The following ARHGAP22 variants were observed in gnomAD, a reference collection of about 807,000 sequenced individuals.
ARHGAP22 encodes the protein rho GTPase-activating protein 22.
Under a neutral mutation model 59.1 loss-of-function variants are expected in ARHGAP22, and 48 were observed. The observed-to-expected ratio is 0.81, with a 90% CI of 0.64 to 1.03. The LOEUF is 1.03. Ranked by LOEUF, ARHGAP22 falls within the 50% of genes least tolerant of loss-of-function variation. The pLI is 0.00. For missense variants in ARHGAP22, 1,015 were observed against 958.7 expected (o/e 1.06, Z -0.78); for synonymous variants, 445 against 416.4 (o/e 1.07, Z -0.84).
chr10:48,587,440 T>G (rs901708574), intron 1 of ARHGAP22, among the ~76,000 whole-genome samples: 1 of 152,230 alleles, frequency 6.6e-6, no homozygotes, highest in African/African-American at 2.4e-5. Context: ...TTCAATGGGT[T>G]GAGAATTGCT....
intron 3 of ARHGAP22, among the ~76,000 whole-genome samples, chr10:48,489,434 TA>T (rs2050154768): frequency 6.6e-6 from 1 of 152,204 alleles, no homozygotes; most frequent in Non-Finnish European, 1.5e-5. Context: ...CTTATGGCAA[TA>T]AAGGGGAGTG....
upstream of ARHGAP22, among the ~76,000 whole-genome samples, chr10:48,606,132 T>G (rs1446368619): frequency 6.6e-6 from 1 of 152,112 alleles, no homozygotes; most frequent in Non-Finnish European, 1.5e-5. Context: ...TAAAGAGGGA[T>G]TTGAACAATG....
At chr10:48,582,387 G>A (rs528161647) in intron 2 of ARHGAP22, among the ~76,000 whole-genome samples, 43 of 152,178 alleles carry the variant, frequency 2.8e-4, no homozygotes, top group African/African-American at 1.0e-3. Flanking sequence ...CGTTTGCATG[G>A]GCCGCTGTGA....
At chr10:48,453,598 C>T (rs1410777301) in intron 7 of ARHGAP22, among the ~76,000 whole-genome samples, 173 bp from the exon 8 acceptor site, 1 of 152,222 alleles carries the variant, frequency 6.6e-6, no homozygotes, top group Non-Finnish European at 1.5e-5. Context: ...TCCCCTGGGG[C>T]CCAAGAGGGC....
At chr10:48,625,693 TACACACACACACACACACACACAC>T (rs56897057) in intron 1 of ARHGAP22, among the ~76,000 whole-genome samples, 5 of 138,878 alleles carry the variant, frequency 3.6e-5, no homozygotes, top group African/African-American at 8.0e-5. Context: ...CTGCAACGTG[TACACACACACACACACACACACAC>T]ACACACACAC....
intron 3 of ARHGAP22, among the ~76,000 whole-genome samples, chr10:48,493,079 G>A (rs1467026499): frequency 6.6e-6 from 1 of 152,176 alleles, no homozygotes; most frequent in African/African-American, 2.4e-5. Flanking sequence ...GCCACATGTG[G>A]CTGGTGGCTA....
At chr10:48,598,753 C>A (rs981194830) in intron 1 of ARHGAP22, among the ~76,000 whole-genome samples, 1 of 152,208 alleles carries the variant, frequency 6.6e-6, no homozygotes, top group Non-Finnish European at 1.5e-5. Context: ...CCTTGTCCTC[C>A]CACTGCCTTC....
intron 7 of ARHGAP22, 151 bp downstream of exon 7, chr10:48,453,937 C>A: frequency 1.3e-6 from 1 of 788,604 alleles, no homozygotes; most frequent in Non-Finnish European, 2.1e-6. Flanking sequence ...TTTTCCACTC[C>A]CTGCTTCGTC....
intron 8 of ARHGAP22, 36 bp downstream of exon 8, chr10:48,453,268 C>T: frequency 6.2e-7 from 1 of 1,611,082 alleles, no homozygotes; most frequent in Non-Finnish European, 8.5e-7. Flanking sequence ...CAGACCCCGG[C>T]AGCACCCAGG....
Position 48,459,519 on chromosome 10 carries a change from C to T in ARHGAP22, c.659+165G>A, listed in dbSNP as rs189853727. On this transcript the variant is annotated intron_variant, in intron 5 of 9. Coordinates refer to ENST00000249601, the MANE Select transcript of ARHGAP22 (RefSeq NM_021226.4). ...AGGCATCCATCCTGAGAGGGGACCCCGGGCTGGCGGAGTGAGGGTGTGCCC... is the reference window on the plus strand; with the variant it reads ...AGGCATCCATCCTGAGAGGGGACCCTGGGCTGGCGGAGTGAGGGTGTGCCC... Among the ~76,000 whole-genome samples the T allele has an allele frequency of 3.4e-3, 522 of 152,298 alleles. 3 individuals are homozygous for T. The highest frequency in any genetic ancestry group is 0.019 in the South Asian group (93 of 4,832).
At chr10:48,647,009 TAGAAC>T (rs2062331280) in intron 1 of ARHGAP22, among the ~76,000 whole-genome samples, 1 of 152,224 alleles carries the variant, frequency 6.6e-6, no homozygotes. Context: ...GATTTGTATC[TAGAAC>T]ATGTAAACAT....
At chr10:48,522,311 C>T (rs755890676) in intron 3 of ARHGAP22, among the ~76,000 whole-genome samples, 4 of 152,212 alleles carry the variant, frequency 2.6e-5, no homozygotes, top group Non-Finnish European at 5.9e-5. Context: ...AGCCATCTCT[C>T]GGGTAGGTGG....
intron 9 of ARHGAP22, among the ~76,000 whole-genome samples, chr10:48,447,800 C>T (rs549966932): frequency 1.3e-5 from 2 of 152,350 alleles, no homozygotes; most frequent in Non-Finnish European, 2.9e-5. Flanking sequence ...TCTTGGTGAA[C>T]ACCTTCCCTC....
intron 1 of ARHGAP22, among the ~76,000 whole-genome samples, chr10:48,590,694 C>G (rs77141042): frequency 6.6e-6 from 1 of 152,164 alleles, no homozygotes; most frequent in African/African-American, 2.4e-5. Flanking sequence ...TGAGGGAGGA[C>G]GTGGGCTGCA....
At chr10:48,458,389 G>A (rs1026994326) in intron 5 of ARHGAP22, among the ~76,000 whole-genome samples, 2 of 152,154 alleles carry the variant, frequency 1.3e-5, no homozygotes, top group African/African-American at 2.4e-5. Flanking sequence ...GGTGGAGAAA[G>A]GAGGCTGAGC....
intron 1 of ARHGAP22, among the ~76,000 whole-genome samples, chr10:48,614,402 G>A (rs1397821011): frequency 3.9e-5 from 6 of 152,106 alleles, no homozygotes; most frequent in Admixed American, 1.3e-4. Flanking sequence ...AAAATGACTG[G>A]TGAATTCCAG....
chr10:48,593,494 A>T (rs2059888763), intron 1 of ARHGAP22, among the ~76,000 whole-genome samples: 1 of 152,182 alleles, frequency 6.6e-6, no homozygotes, highest in South Asian at 2.1e-4. Flanking sequence ...TTGGCACCAC[A>T]CTTTTGTGCT....
intron 3 of ARHGAP22, among the ~76,000 whole-genome samples, chr10:48,508,052 T>C (rs1476988582): frequency 9.2e-5 from 14 of 152,096 alleles, no homozygotes; most frequent in Non-Finnish European, 1.8e-4. Flanking sequence ...TCCACTGGGA[T>C]GGTCAGACTC....
chr10:48,471,595 T>C (rs1194701444), intron 4 of ARHGAP22, among the ~76,000 whole-genome samples: 1 of 152,116 alleles, frequency 6.6e-6, no homozygotes, highest in East Asian at 1.9e-4. Context: ...TGCTAAGTCT[T>C]CCCTTCTTAC....
Sources: gnomAD v4.1 joint callset for allele counts (sites outside exome capture counted in the v4.1 genomes callset) on GRCh38, gnomAD v4.1.1 for gene constraint, MANE v1.5 for transcripts, NCBI Gene and HGNC (gene_info 2026-07-23, HGNC 2026-07-21) for gene names.